Variants in GPC5 observed in about 807,000 individuals in gnomAD.
The protein encoded by GPC5 is glypican 5, also known as glypican-5.
GPC5 carries 47 observed loss-of-function variants against 53.9 expected under a neutral mutation model. That is an observed-to-expected ratio of 0.87 (90% CI 0.69 to 1.11). GPC5 has a LOEUF of 1.11. Ranked by LOEUF, GPC5 falls within the 50% of genes most tolerant of loss-of-function variation. The pLI, the probability that GPC5 is intolerant of heterozygous loss-of-function variation, is 0.00. For missense variants in GPC5, 748 were observed against 713.1 expected, an observed-to-expected ratio of 1.05 and a Z score of -0.56; for synonymous variants, 286 against 263.3, an observed-to-expected ratio of 1.09 and a Z score of -0.84.
intron 7 of GPC5, among the ~76,000 whole-genome samples, chr13:92,534,198 G>A (rs1159336988): frequency 6.6e-6 from 1 of 152,070 alleles, no homozygotes; most frequent in East Asian, 1.9e-4. Context: ...GAGATAGGAT[G>A]GTCGCTTGAG....
chr13:91,989,557 G>A (rs947826271), intron 6 of GPC5, among the ~76,000 whole-genome samples: 32 of 152,090 alleles, frequency 2.1e-4, no homozygotes, highest in African/African-American at 7.7e-4. Context: ...GTAAAATCTT[G>A]CATTCAAGGA....
intron 7 of GPC5, among the ~76,000 whole-genome samples, chr13:92,426,950 G>C (rs1337771163): frequency 6.6e-6 from 1 of 151,992 alleles, no homozygotes. Flanking sequence ...TGAGCCATCA[G>C]TTTCTATAAT....
At chr13:92,848,509 G>T (rs866300198) in intron 7 of GPC5, among the ~76,000 whole-genome samples, 62 of 151,918 alleles carry the variant, frequency 4.1e-4, no homozygotes, top group Middle Eastern at 3.4e-3. Context: ...TAAGCCCTAG[G>T]AATAGAAAAC....
rs554620515 is a variant in GPC5, at chr13:91,942,646, A to T, written c.1401+34589A>T. 5.3e-5 allele frequency among the ~76,000 whole-genome samples: 7 copies of T among 132,486 alleles called. No homozygotes were observed. The South Asian group carries it at 1.3e-3, about 25-fold the overall frequency. 86.9% of individuals were successfully genotyped at this position (132,486 alleles called of 152,430 possible). A position where few individuals can be genotyped will look rare whatever the true frequency, so the allele number is the denominator to read the frequency against. Reference sequence around the variant, plus strand: ...TTATGAAAAAAGTAGAGTAGTTGAAAACTCTTGTGAAAAAAATATAGATAT... The same window carrying T: ...TTATGAAAAAAGTAGAGTAGTTGAATACTCTTGTGAAAAAAATATAGATAT... On this transcript the variant is annotated intron_variant, in intron 6 of 7. Coordinates refer to ENST00000377067, the MANE Select transcript of GPC5 (RefSeq NM_004466.6).
intron 2 of GPC5, among the ~76,000 whole-genome samples, chr13:91,544,716 T>C (rs973147558): frequency 6.6e-6 from 1 of 152,234 alleles, no homozygotes; most frequent in African/African-American, 2.4e-5. Flanking sequence ...ACTGTTCTAG[T>C]TATCTGTTAC....
chr13:92,355,932 T>C (rs1289785551), intron 7 of GPC5, among the ~76,000 whole-genome samples: 3 of 151,738 alleles, frequency 2.0e-5, no homozygotes, highest in Non-Finnish European at 4.4e-5. Flanking sequence ...TTCCTCATTA[T>C]TTTACTTAGA....
At chr13:91,728,282 C>T (rs913206319) in intron 3 of GPC5, among the ~76,000 whole-genome samples, 5 of 152,106 alleles carry the variant, frequency 3.3e-5, no homozygotes, top group South Asian at 2.1e-4. Context: ...TCTGATTTTG[C>T]GTATCTTACA....
chr13:92,228,400 A>AT (rs1178828805), intron 7 of GPC5, among the ~76,000 whole-genome samples: 1 of 152,214 alleles, frequency 6.6e-6, no homozygotes, highest in Non-Finnish European at 1.5e-5. Flanking sequence ...ATAAACATTT[A>AT]TAAAAAATGT....
chr13:91,487,226 G>C (rs530520668), intron 2 of GPC5, among the ~76,000 whole-genome samples: 2 of 152,172 alleles, frequency 1.3e-5, no homozygotes, highest in Non-Finnish European at 2.9e-5. Flanking sequence ...ATAGCCCAAC[G>C]ATGCTTATAT....
chr13:91,991,857 C>CAT (rs10642725), intron 6 of GPC5, among the ~76,000 whole-genome samples: 92,900 of 151,642 alleles, frequency 0.61, 29,254 homozygotes, highest in African/African-American at 0.75. Flanking sequence ...CCTGCAAAAT[C>CAT]GCTACATTTT....
At chr13:92,161,335 C>T (rs556045282) in intron 7 of GPC5, among the ~76,000 whole-genome samples, 1 of 152,282 alleles carries the variant, frequency 6.6e-6, no homozygotes, top group East Asian at 1.9e-4. Context: ...AACTGCCTCA[C>T]AGTCCCTGCC....
intron 7 of GPC5, among the ~76,000 whole-genome samples, chr13:92,540,261 T>G (rs1397203536): frequency 6.6e-6 from 1 of 152,000 alleles, no homozygotes; most frequent in Non-Finnish European, 1.5e-5. Context: ...ATTCAGTGCT[T>G]TTCTCTTCTT....
In GPC5 at chr13:92,441,338, G is replaced by T. The variant is rs553817474; in HGVS notation, c.1561+296349G>T. On this transcript the variant is annotated intron_variant, in intron 7 of 7. Transcript: ENST00000377067. ...CCTGTCTGGGCCTCCCAAAGTGCTG[G>T]GACTACAGGCGTGAGCTACCGCCTC... 3.2e-3 allele frequency among the ~76,000 whole-genome samples: 489 copies of T among 152,308 alleles called. 3 individuals are homozygous for T. Among genetic ancestry groups the T allele is most frequent in the Middle Eastern group, 6.8e-3 (2 of 294 alleles).
At chr13:91,816,912 T>C (rs1478033309) in intron 5 of GPC5, among the ~76,000 whole-genome samples, 1 of 152,092 alleles carries the variant, frequency 6.6e-6, no homozygotes, top group Non-Finnish European at 1.5e-5. Context: ...AAAACTTGCC[T>C]CACAAGTGAG....
chr13:92,033,867 G>T (rs928425293), intron 6 of GPC5, among the ~76,000 whole-genome samples: 2 of 152,146 alleles, frequency 1.3e-5, no homozygotes, highest in African/African-American at 4.8e-5. Flanking sequence ...ATGAAACAAG[G>T]GAATGTTAAC....
intron 7 of GPC5, among the ~76,000 whole-genome samples, chr13:92,395,636 A>C (rs1159355963): frequency 5.3e-5 from 8 of 152,158 alleles, no homozygotes. Context: ...ATTTTGTCTT[A>C]GAAAGTCTTT....
chr13:91,998,466 C>A (rs1004250926), intron 6 of GPC5, among the ~76,000 whole-genome samples: 1 of 152,144 alleles, frequency 6.6e-6, no homozygotes, highest in African/African-American at 2.4e-5. Flanking sequence ...ATCTGCAATT[C>A]ATAATGTAAG....
chr13:92,418,862 A>T (rs1253338160), intron 7 of GPC5, among the ~76,000 whole-genome samples: 1 of 152,214 alleles, frequency 6.6e-6, no homozygotes, highest in East Asian at 1.9e-4. Context: ...GTGGGAAAGC[A>T]CTTTATCCAC....
chr13:91,928,120 A>G (rs1259150062), intron 6 of GPC5, among the ~76,000 whole-genome samples: 1 of 152,204 alleles, frequency 6.6e-6, no homozygotes, highest in Non-Finnish European at 1.5e-5. Flanking sequence ...CTGAATGATC[A>G]CTTGACTGTG....
Sources: allele counts gnomAD v4.1 joint callset (sites outside exome capture counted in the v4.1 genomes callset), GRCh38; gene constraint gnomAD v4.1.1; transcripts MANE v1.5; gene names NCBI Gene and HGNC (gene_info 2026-07-23, HGNC 2026-07-21).